Variants in CCNT2 observed in about 807,000 individuals in gnomAD.
CCNT2 encodes cyclin T2.
In CCNT2, 18 loss-of-function variants were observed where a neutral mutation model predicts 70.0. That is an observed-to-expected ratio of 0.26 (90% CI 0.18 to 0.38). The LOEUF (loss-of-function observed/expected upper bound fraction) is 0.38. CCNT2 is among the 10% of genes least tolerant of loss of function. The probability of loss-of-function intolerance (pLI) is 1.00; values close to 1 mark genes in which losing one functional copy is unlikely to be tolerated. For synonymous variants in CCNT2, 334 were observed against 313.3 expected, an observed-to-expected ratio of 1.07 and a Z score of -0.70; for missense variants, 734 against 890.2, an observed-to-expected ratio of 0.82 and a Z score of 2.23.
Position 134,957,281 on chromosome 2 carries a change from C to T in CCNT2, c.*2633C>T, listed in dbSNP as rs898698663. 7 of 151,966 alleles carry T rather than the reference C, an allele frequency of 4.6e-5. No homozygotes were observed. The highest frequency in any genetic ancestry group is 8.8e-5 in the Non-Finnish European group (6 of 67,978). The allele number at this position is 151,966 out of a possible 1,614,324, so 9.4% of individuals were successfully genotyped here. A position where few individuals can be genotyped will look rare whatever the true frequency, so the allele number is the denominator to read the frequency against. On this transcript the variant is annotated 3_prime_UTR_variant, in exon 9 of 9. Coordinates refer to ENST00000264157, the MANE Select transcript of CCNT2 (RefSeq NM_058241.3). ...ACTCTTGTAAGTAGCCATAAATAAACCAAAATAGTATCAAATTTAGGTATG... is the reference window on the plus strand; with the variant it reads ...ACTCTTGTAAGTAGCCATAAATAAATCAAAATAGTATCAAATTTAGGTATG...
intron 7 of CCNT2, among the ~76,000 whole-genome samples, chr2:134,950,699 A>C (rs1682431892): frequency 6.6e-6 from 1 of 152,208 alleles, no homozygotes; most frequent in African/African-American, 2.4e-5. Flanking sequence ...TACTATTCTT[A>C]TTACTTACTG....
intron 7 of CCNT2, among the ~76,000 whole-genome samples, chr2:134,948,406 T>C (rs935019323): frequency 5.9e-5 from 9 of 152,228 alleles, no homozygotes; most frequent in Admixed American, 5.9e-4. Flanking sequence ...ATTTAAAGTA[T>C]ACTAATTCTG....
At position 134,942,806 on chromosome 2, in the gene CCNT2, G is replaced by A. The variant is rs141040055; in HGVS notation, c.493+132G>A. The A allele has an allele frequency of 4.6e-4, 639 of 1,403,906 alleles. 3 individuals carry two copies. In the African/African-American group the frequency reaches 8.5e-3, roughly 19 times the overall value. 87.0% of individuals were successfully genotyped at this position (1,403,906 alleles called of 1,614,324 possible). A position where few individuals can be genotyped will look rare whatever the true frequency, so the allele number is the denominator to read the frequency against. ...ATTAGGGAGAAATGTCATTTTTTAA[G>A]CATTACTTTTTAGTGTTCTACATCT... On this transcript the variant is annotated intron_variant, in intron 5 of 8. Coordinates refer to ENST00000264157, the MANE Select transcript of CCNT2 (RefSeq NM_058241.3).
rs1380582115 is a variant in CCNT2 at position 134,954,591 on chromosome 2, C to T, written c.2136C>T (p.Tyr712=). ...EYSTSSQHMD[Y]KDTFDMLDSL... ...GTACAAGCAGCCAGCATATGGACTA[C>T]AAAGACACATTCGACATGCTGGACT... The change falls in exon 9 of 9, where the codon TAC becomes TAT. Residue 712 remains tyrosine (Y), a synonymous_variant. Coordinates refer to ENST00000264157, the MANE Select transcript of CCNT2 (RefSeq NM_058241.3). 6.2e-7 allele frequency: 1 copy of T among 1,613,930 alleles called. No individual in the cohort carries two copies. The highest frequency in any genetic ancestry group is 8.5e-7 in the Non-Finnish European group (1 of 1,179,922).
At chr2:134,937,117 G>A (rs1418144533) in intron 3 of CCNT2, 148 bp downstream of exon 3, 1 of 542,802 alleles carries the variant, frequency 1.8e-6, no homozygotes, top group East Asian at 3.1e-5. Context: ...CCAGGAAGCA[G>A]TCTGGCAGAA....
intron 7 of CCNT2, among the ~76,000 whole-genome samples, chr2:134,951,032 A>T (rs1682460577): frequency 6.6e-6 from 1 of 152,062 alleles, no homozygotes; most frequent in African/African-American, 2.4e-5. Flanking sequence ...AAGTAGAAAA[A>T]TAGTCTTTTT....
chr2:134,948,536 T>TATGA (rs751251766), intron 7 of CCNT2, among the ~76,000 whole-genome samples: 1 of 152,150 alleles, frequency 6.6e-6, no homozygotes, highest in Non-Finnish European at 1.5e-5. Flanking sequence ...CATTGTTAAA[T>TATGA]ATGAATACAC....
In CCNT2 at chr2:134,953,684, A is replaced by G; in HGVS notation, c.1229A>G (p.Tyr410Cys). ...ISDHSSVKQE[Y>C]THKAGSSKHH... ...GATCATTCTTCTGTTAAGCAAGAAT[A>G]TACTCATAAAGCAGGGAGCAGTAAA... Residue 410 changes from tyrosine (Y) to cysteine (C), a missense_variant, in exon 9 of 9, where the codon TAT (tyrosine) becomes TGT (cysteine). By Grantham distance (194) the Tyr-to-Cys change is radical. This residue lies in a region of CCNT2 where 532 missense variants were observed against 556.9 expected (regional missense o/e 0.96). Transcript: ENST00000264157. 6.2e-7 allele frequency: 1 copy of G among 1,613,732 alleles called. No homozygotes were observed. Among genetic ancestry groups the G allele is most frequent in the East Asian group, 2.2e-5 (1 of 44,900 alleles).
intron 2 of CCNT2, among the ~76,000 whole-genome samples, chr2:134,927,297 G>A (rs982009835): frequency 2.7e-4 from 41 of 152,024 alleles, no homozygotes; most frequent in African/African-American, 9.4e-4. Flanking sequence ...TTCCTGAAGC[G>A]GCTTAAAATT....
rs1682924885 is a variant in CCNT2 at position 134,956,377 on chromosome 2, C to T, written c.*1729C>T. The T allele has an allele frequency of 6.6e-6, 1 of 152,498 alleles. No individual in the cohort carries two copies. Among genetic ancestry groups the T allele is most frequent in the African/African-American group, 2.4e-5 (1 of 41,416 alleles). 9.4% of individuals were successfully genotyped at this position (152,498 alleles called of 1,614,324 possible). ...TAGGAGCCTCTTTGTAGGGACTGTG[C>T]CTAGGTAGCATGTCCTAACATTTGT... On this transcript the variant is annotated 3_prime_UTR_variant, in exon 9 of 9. Coordinates refer to ENST00000264157, the MANE Select transcript of CCNT2 (RefSeq NM_058241.3).
chr2:134,919,122 C>A, intron 1 of CCNT2, 110 bp downstream of exon 1: 1 of 1,258,368 alleles, frequency 7.9e-7, no homozygotes, highest in Non-Finnish European at 1.1e-6. Flanking sequence ...TGGGCCTCGG[C>A]GCCGCGGTCA....
At chr2:134,944,590 A>AAAT (rs1320488798) in intron 5 of CCNT2, 12 of 977,776 alleles carry the variant, frequency 1.2e-5, no homozygotes, top group African/African-American at 1.8e-5. Flanking sequence ...CATCCAAAAC[A>AAAT]AATATTTAGA....
In CCNT2 at chr2:134,953,345, C is replaced by T; in HGVS notation, c.890C>T (p.Thr297Ile). 1 of 1,607,532 alleles carries T rather than the reference C, an allele frequency of 6.2e-7. No homozygotes were observed. Among genetic ancestry groups the T allele is most frequent in the Non-Finnish European group, 8.5e-7 (1 of 1,176,260 alleles). ...ILVDSVTGVP[T>I]NPSFQKPSTS... Reference sequence around the variant, plus strand: ...GTAGATAGTGTCACTGGTGTGCCTACAAACCCAAGTTTTCAGAAACCATCT... The same window carrying T: ...GTAGATAGTGTCACTGGTGTGCCTATAAACCCAAGTTTTCAGAAACCATCT... Residue 297 changes from threonine to isoleucine, a missense_variant, in exon 9 of 9, where the codon ACA (threonine) becomes ATA (isoleucine). By Grantham distance (89) the Thr-to-Ile change is moderately conservative (BLOSUM62 -1). Coordinates refer to ENST00000264157, the MANE Select transcript of CCNT2 (RefSeq NM_058241.3).
intron 7 of CCNT2, among the ~76,000 whole-genome samples, chr2:134,950,306 A>G (rs116675169): frequency 2.1e-4 from 32 of 152,248 alleles, no homozygotes; most frequent in African/African-American, 6.7e-4. Context: ...TGGAGAACTG[A>G]TATGTTAAGA....
chr2:134,932,891 A>G (rs1680884400), intron 2 of CCNT2, among the ~76,000 whole-genome samples: 2 of 152,306 alleles, frequency 1.3e-5, no homozygotes, highest in Admixed American at 6.5e-5. Context: ...AGGTTATACA[A>G]CTATCCCTTC....
intron 7 of CCNT2, among the ~76,000 whole-genome samples, chr2:134,951,393 T>A (rs1682488842): frequency 6.6e-6 from 1 of 152,196 alleles, no homozygotes; most frequent in South Asian, 2.1e-4. Flanking sequence ...TTAATGACAT[T>A]ATTAGTTCAT....
intron 2 of CCNT2, among the ~76,000 whole-genome samples, chr2:134,926,353 C>T (rs1573782708): frequency 6.6e-6 from 1 of 152,182 alleles, no homozygotes; most frequent in South Asian, 2.1e-4. Flanking sequence ...AGTGTAGCAG[C>T]TTACTTTCTG....
intron 2 of CCNT2, among the ~76,000 whole-genome samples, chr2:134,920,654 A>G (rs1451455239): frequency 6.6e-6 from 1 of 152,172 alleles, no homozygotes; most frequent in East Asian, 1.9e-4. Context: ...AAAATTGCAT[A>G]TTGTTTAGAA....
chr2:134,949,832 C>T (rs962999105), intron 7 of CCNT2, among the ~76,000 whole-genome samples: 7 of 148,764 alleles, frequency 4.7e-5, no homozygotes, highest in South Asian at 4.3e-4. Flanking sequence ...GAGTCTCAGT[C>T]GCCCAGGCTA....
Sources: allele counts gnomAD v4.1 joint callset (sites outside exome capture counted in the v4.1 genomes callset), GRCh38; gene constraint gnomAD v4.1.1; regional missense constraint gnomAD v4.1.1; transcripts MANE v1.5; gene names NCBI Gene and HGNC (gene_info 2026-07-23, HGNC 2026-07-21).